Variants in MYLK observed in about 807,000 individuals in gnomAD.
The protein encoded by MYLK is myosin light chain kinase, also known as myosin light chain kinase, smooth muscle.
MYLK carries 106 observed loss-of-function variants against 203.4 expected under a neutral mutation model. That is an observed-to-expected ratio of 0.52 (90% CI 0.45 to 0.61). The LOEUF (loss-of-function observed/expected upper bound fraction) is 0.61. Ranked by LOEUF, MYLK falls within the 20% of genes least tolerant of loss-of-function variation. The pLI is 0.00. For missense variants in MYLK, 2,072 were observed against 2,442.3 expected (o/e 0.85, Z 3.20); for synonymous variants, 867 against 959.5 (o/e 0.90, Z 1.78).
intron 2 of MYLK, among the ~76,000 whole-genome samples, chr3:123,850,994 C>A (rs2700398): frequency 0.86 from 130,216 of 152,218 alleles, 56,078 homozygotes; most frequent in East Asian, 0.96. Context: ...CCATTTATTG[C>A]ATAGGGAATA....
chr3:123,865,142 T>G (rs559063719), intron 2 of MYLK, among the ~76,000 whole-genome samples: 1 of 152,338 alleles, frequency 6.6e-6, no homozygotes, highest in Non-Finnish European at 1.5e-5. Flanking sequence ...TCCTATTACA[T>G]GTACTCTGCT....
At chr3:123,660,777 C>T (rs1049745954) in intron 23 of MYLK, among the ~76,000 whole-genome samples, 5 of 152,110 alleles carry the variant, frequency 3.3e-5, no homozygotes, top group African/African-American at 1.2e-4. Flanking sequence ...GAAAACTGTC[C>T]GGAGCAGACC....
rs772228366 is a variant in MYLK at position 123,700,548 on chromosome 3, G to A, written c.2920C>T (p.Pro974Ser). 1.2e-6 allele frequency: 2 copies of A among 1,613,556 alleles called. No individual in the cohort carries two copies. The highest frequency in any genetic ancestry group is 8.5e-7 in the Non-Finnish European group (1 of 1,179,812). ...KTPVPEKVPP[P>S]KPATPDFRSV... Reference sequence around the variant, plus strand: ...CGAAAATCCGGGGTGGCAGGTTTTGGCGGTGGCACCTTCTCAGGCACGGGG... The same window carrying A: ...CGAAAATCCGGGGTGGCAGGTTTTGACGGTGGCACCTTCTCAGGCACGGGG... Residue 974 changes from proline (P) to serine (S), a missense_variant, in exon 18 of 34, where the codon CCA becomes TCA. Pro to Ser is a moderately conservative substitution (Grantham distance 74, BLOSUM62 -1). Around this residue, in one of 3 missense-constraint regions of MYLK, gnomAD observed 865 missense variants for 1,016.0 expected, o/e 0.85. Transcript: ENST00000360304.
intron 5 of MYLK, among the ~76,000 whole-genome samples, chr3:123,747,737 G>A (rs1359894332): frequency 6.6e-6 from 1 of 152,168 alleles, no homozygotes; most frequent in Non-Finnish European, 1.5e-5. Flanking sequence ...CCTGTAAGGT[G>A]GGTGATCCAT....
intron 3 of MYLK, among the ~76,000 whole-genome samples, chr3:123,807,652 G>A (rs2065417877): frequency 1.3e-5 from 2 of 152,180 alleles, no homozygotes; most frequent in African/African-American, 2.4e-5. Context: ...CATGCCTGAG[G>A]AAGAGACCAT....
In MYLK at chr3:123,737,374, AT is replaced by A; in HGVS notation, c.754+3del. 1 of 1,614,132 alleles carries A rather than the reference AT, an allele frequency of 6.2e-7. No homozygotes were observed. Among genetic ancestry groups the A allele is most frequent in the Non-Finnish European group, 8.5e-7 (1 of 1,180,026 alleles). On this transcript the variant is annotated splice_donor_region_variant and intron_variant, in intron 8 of 33. Transcript: ENST00000360304. Reference sequence around the variant, plus strand: ...TTCTGCACTAGCCGTCCACTGGTCGATACCTTGGATGGAAAGTTCAGCTGAC... The same window carrying A: ...TTCTGCACTAGCCGTCCACTGGTCGAACCTTGGATGGAAAGTTCAGCTGAC...
intron 3 of MYLK, among the ~76,000 whole-genome samples, chr3:123,795,578 C>T (rs1245800185): frequency 2.6e-5 from 4 of 152,136 alleles, no homozygotes; most frequent in African/African-American, 4.8e-5. Flanking sequence ...GCTGGGAAAA[C>T]GTTGCAGTTG....
At chr3:123,641,945 C>T (rs995326246) in intron 27 of MYLK, among the ~76,000 whole-genome samples, 2 of 151,754 alleles carry the variant, frequency 1.3e-5, no homozygotes, top group African/African-American at 4.8e-5. Context: ...ACTTTGAACT[C>T]CTGGGCTCAA....
intron 8 of MYLK, among the ~76,000 whole-genome samples, chr3:123,736,662 A>T (rs755290306): frequency 6.6e-6 from 1 of 152,182 alleles, no homozygotes; most frequent in African/African-American, 2.4e-5. Context: ...ACCCTGGTAG[A>T]GGGGGTCAAG....
At chr3:123,668,894 T>C (rs958590917) in intron 20 of MYLK, among the ~76,000 whole-genome samples, 3 of 152,222 alleles carry the variant, frequency 2.0e-5, no homozygotes, top group Non-Finnish European at 2.9e-5. Context: ...AGGGACTTTT[T>C]TGGTTCACTG....
chr3:123,865,712 G>A (rs1464233355), intron 2 of MYLK, among the ~76,000 whole-genome samples: 1 of 152,210 alleles, frequency 6.6e-6, no homozygotes, highest in African/African-American at 2.4e-5. Flanking sequence ...TGAGACCGGT[G>A]AGAAAGTGGT....
intron 4 of MYLK, among the ~76,000 whole-genome samples, chr3:123,773,550 A>G (rs757141648): frequency 6.6e-6 from 1 of 152,262 alleles, no homozygotes; most frequent in Non-Finnish European, 1.5e-5. Context: ...GTGGCATGCC[A>G]TATTTGTCTT....
At chr3:123,789,488 G>A (rs1019044048) in intron 4 of MYLK, among the ~76,000 whole-genome samples, 1 of 152,100 alleles carries the variant, frequency 6.6e-6, no homozygotes, top group Admixed American at 6.5e-5. Flanking sequence ...GGGCAGACAG[G>A]TCTCCTGCTC....
chr3:123,637,773 C>A (rs1020019364), intron 29 of MYLK, among the ~76,000 whole-genome samples: 1 of 152,178 alleles, frequency 6.6e-6, no homozygotes, highest in Non-Finnish European at 1.5e-5. Flanking sequence ...ATTTCCCACC[C>A]TCCTGACCAA....
At chr3:123,673,853 G>T (rs1218372434) in intron 20 of MYLK, among the ~76,000 whole-genome samples, 1 of 152,164 alleles carries the variant, frequency 6.6e-6, no homozygotes, top group Non-Finnish European at 1.5e-5. Flanking sequence ...GCTGGCCATG[G>T]GACAGGCAGG....
chr3:123,829,673 A>G (rs2066257025), intron 3 of MYLK, among the ~76,000 whole-genome samples: 1 of 152,228 alleles, frequency 6.6e-6, no homozygotes, highest in Non-Finnish European at 1.5e-5. Flanking sequence ...ATCACCATAT[A>G]TTAATTATAT....
intron 9 of MYLK, chr3:123,734,990 CCACCCCT>C: frequency 3.1e-6 from 1 of 320,806 alleles, no homozygotes; most frequent in Non-Finnish European, 6.1e-6. Context: ...TCCTCTACGC[CCACCCCT>C]GCACATCCAG....
At chr3:123,686,992 C>T (rs1456416226) in intron 19 of MYLK, among the ~76,000 whole-genome samples, 3 of 152,232 alleles carry the variant, frequency 2.0e-5, no homozygotes, top group Non-Finnish European at 2.9e-5. Context: ...GAGGCTGAGG[C>T]GGGTGGATCA....
At chr3:123,839,834 AC>A (rs1269113064) in intron 2 of MYLK, among the ~76,000 whole-genome samples, 2 of 152,186 alleles carry the variant, frequency 1.3e-5, no homozygotes, top group Admixed American at 1.3e-4. Flanking sequence ...AAGAAGTGAG[AC>A]CACATAGAAA....
Sources: allele counts gnomAD v4.1 joint callset (sites outside exome capture counted in the v4.1 genomes callset), GRCh38; gene constraint gnomAD v4.1.1; regional missense constraint gnomAD v4.1.1; transcripts MANE v1.5; gene names NCBI Gene and HGNC (gene_info 2026-07-23, HGNC 2026-07-21).